The following ECHS1 variants were observed in gnomAD, a reference collection of about 807,000 sequenced individuals.
The protein encoded by ECHS1 is enoyl-CoA hydratase, mitochondrial.
In ECHS1, 19 loss-of-function variants were observed where a neutral mutation model predicts 33.5. The observed-to-expected ratio is 0.57, with a 90% CI of 0.40 to 0.83. ECHS1 has a LOEUF of 0.83. Ranked by LOEUF, ECHS1 falls within the 40% of genes least tolerant of loss-of-function variation. ECHS1 has a pLI of 0.00. For missense variants in ECHS1, 365 were observed against 381.3 expected (o/e 0.96, Z 0.36); for synonymous variants, 158 against 146.6 (o/e 1.08, Z -0.56).
intron 7 of ECHS1, among the ~76,000 whole-genome samples, chr10:133,364,192 G>A (rs779649862): frequency 3.3e-5 from 5 of 151,964 alleles, no homozygotes; most frequent in Admixed American, 6.6e-5. Context: ...CAATCCACCC[G>A]CCTCAGCCTC....
At chr10:133,368,515 T>C (rs575887125) in intron 4 of ECHS1, among the ~76,000 whole-genome samples, 2 of 151,840 alleles carry the variant, frequency 1.3e-5, no homozygotes, top group South Asian at 4.1e-4. Context: ...CGGGCCTGGG[T>C]GGGGGGTCTG....
At chr10:133,369,556 A>G (rs1221497164) in intron 3 of ECHS1, among the ~76,000 whole-genome samples, 1 of 151,744 alleles carries the variant, frequency 6.6e-6, no homozygotes, top group East Asian at 1.9e-4. Flanking sequence ...TGCCTTCCCT[A>G]TAGGCCAAGA....
Position 133,362,825 on chromosome 10 carries a change from T to G in ECHS1, c.*43A>C. The G allele has an allele frequency of 6.3e-7, 1 of 1,592,610 alleles. No homozygotes were observed. The highest frequency in any genetic ancestry group is 8.6e-7 in the Non-Finnish European group (1 of 1,160,378). ...TGCTTCTAAAACTGACAGGCTGCAC[T>G]TGTCCTCTCCAAGCAGAGGTGTGAA... On this transcript the variant is annotated 3_prime_UTR_variant, in exon 8 of 8. Coordinates refer to ENST00000368547, the MANE Select transcript of ECHS1 (RefSeq NM_004092.4).
chr10:133,365,029 G>A (rs1019776030), intron 6 of ECHS1, among the ~76,000 whole-genome samples: 4 of 152,196 alleles, frequency 2.6e-5, no homozygotes, highest in Admixed American at 6.5e-5. Flanking sequence ...GCTGTGAGGC[G>A]GCAACGGGGC....
At chr10:133,367,883 GC>G (rs747684581) in intron 4 of ECHS1, among the ~76,000 whole-genome samples, 14 of 152,206 alleles carry the variant, frequency 9.2e-5, no homozygotes, top group Non-Finnish European at 1.8e-4. Flanking sequence ...AGAGGGAAGG[GC>G]CCCCTGTCCC....
chr10:133,371,180 G>C lies in ECHS1; in HGVS notation c.89-423C>G, dbSNP rs372655844. 2.4e-3 allele frequency among the ~76,000 whole-genome samples: 368 copies of C among 152,236 alleles called. 2 individuals are homozygous for C. Among genetic ancestry groups the C allele is most frequent in the African/African-American group, 8.0e-3 (334 of 41,554 alleles). ...TAGTCCCAGCTACTGGGGAGGCTGA[G>C]GCAGGAGAGTGGCATGAACCCAGGA... On this transcript the variant is annotated intron_variant, in intron 1 of 7. Coordinates refer to ENST00000368547, the MANE Select transcript of ECHS1 (RefSeq NM_004092.4).
chr10:133,363,219 C>T (rs1462387713), intron 7 of ECHS1, among the ~76,000 whole-genome samples: 1 of 152,248 alleles, frequency 6.6e-6, no homozygotes, highest in East Asian at 1.9e-4. Flanking sequence ...CCATCTTGGT[C>T]ACTCACCATG....
In ECHS1 at chr10:133,369,975, T is replaced by G. The variant is rs369960115; in HGVS notation, c.343A>C (p.Lys115Gln). The part of the protein sequence containing the change: ...NLSFQDCYSS[K>Q]FLKHWDHLTQ... ...AGGTGGTCCCAGTGCTTCAAGAACT[T>G]GCTGGAGTAACAGTCCTGGAAACTC... The change falls in exon 3 of 8, where the codon AAG (lysine) becomes CAG (glutamine). Residue 115 changes from lysine to glutamine, a missense_variant. Transcript: ENST00000368547. 5.7e-5 allele frequency: 92 copies of G among 1,613,812 alleles called. No individual in the cohort carries two copies. In the South Asian group the frequency reaches 8.8e-4, roughly 15 times the overall value.
chr10:133,370,527 C>T, intron 2 of ECHS1, 33 bp downstream of exon 2: 1 of 1,483,722 alleles, frequency 6.7e-7, no homozygotes, highest in Non-Finnish European at 9.0e-7. Flanking sequence ...CCCACATCTG[C>T]CCAGACACAA....
intron 4 of ECHS1, among the ~76,000 whole-genome samples, chr10:133,367,418 T>C (rs1188881692): frequency 6.6e-6 from 1 of 151,348 alleles, no homozygotes; most frequent in Non-Finnish European, 1.5e-5. Context: ...CTGGCGGGTA[T>C]AGGGTCAGGT....
Position 133,370,130 on chromosome 10 carries a change from A to G in ECHS1, c.287-99T>C, listed in dbSNP as rs1849084211. 2.0e-6 allele frequency: 3 copies of G among 1,515,000 alleles called. No individual in the cohort carries two copies. In the South Asian group the frequency reaches 3.8e-5, roughly 19 times the overall value. 93.8% of individuals were successfully genotyped at this position (1,515,000 alleles called of 1,614,324 possible). A position where few individuals can be genotyped will look rare whatever the true frequency, so the allele number is the denominator to read the frequency against. On this transcript the variant is annotated intron_variant, in intron 2 of 7. Transcript: ENST00000368547. ...CAAGGAACTTCAGAGCACACCAGACACAGGCAGTGGGGTTGCTGGGCACGG... is the reference window on the plus strand; with the variant it reads ...CAAGGAACTTCAGAGCACACCAGACGCAGGCAGTGGGGTTGCTGGGCACGG...
At chr10:133,371,049 G>A (rs546299096) in intron 1 of ECHS1, among the ~76,000 whole-genome samples, 19 of 152,332 alleles carry the variant, frequency 1.2e-4, no homozygotes, top group Non-Finnish European at 2.2e-4. Context: ...AGGCCGAAGC[G>A]GTCGAATCAC....
intron 1 of ECHS1, 135 bp downstream of exon 1, chr10:133,373,111 G>T: frequency 1.6e-6 from 1 of 622,848 alleles, no homozygotes; most frequent in South Asian, 2.7e-5. Context: ...GGGTCAGGCG[G>T]AAGAGGGGTG....
chr10:133,368,932 T>C lies in ECHS1; in HGVS notation c.505A>G (p.Thr169Ala). 1 of 1,613,500 alleles carries C rather than the reference T, an allele frequency of 6.2e-7. No individual in the cohort carries two copies. Among genetic ancestry groups the C allele is most frequent in the Non-Finnish European group, 8.5e-7 (1 of 1,179,806 alleles). Residue 169 changes from threonine to alanine, a missense_variant, in exon 4 of 8, where the codon ACC (threonine) becomes GCC (alanine). By Grantham distance (58) the Thr-to-Ala change is moderately conservative. Coordinates refer to ENST00000368547, the MANE Select transcript of ECHS1 (RefSeq NM_004092.4). Reference sequence around the variant, plus strand: ...CAGTGTCACTCTTTACCTGGGATGGTTCCTATTAAGATCTCCGGCTGTGCA... The same window carrying C: ...CAGTGTCACTCTTTACCTGGGATGGCTCCTATTAAGATCTCCGGCTGTGCA... The part of the protein sequence containing the change: ...QFAQPEILIG[T>A]IPGAGGTQRL...
chr10:133,365,852 C>T (rs1360446503), intron 6 of ECHS1, 124 bp downstream of exon 6: 3 of 1,237,812 alleles, frequency 2.4e-6, no homozygotes, highest in Non-Finnish European at 3.4e-6. Context: ...AACTGAGACA[C>T]TGAGAAGCAT....
At chr10:133,365,705 C>T (rs1472981374) in intron 6 of ECHS1, among the ~76,000 whole-genome samples, 3 of 152,220 alleles carry the variant, frequency 2.0e-5, no homozygotes, top group African/African-American at 7.2e-5. Flanking sequence ...CAGCCTTTCC[C>T]TGCCACTGCC....
rs533681488 is a variant in ECHS1, at chr10:133,368,516, G to C, written c.514+407C>G. On this transcript the variant is annotated intron_variant, in intron 4 of 7. Coordinates refer to ENST00000368547, the MANE Select transcript of ECHS1 (RefSeq NM_004092.4). Reference sequence around the variant, plus strand: ...CCAGGCCCTTCTCACGGGCCTGGGTGGGGGGTCTGACTCCCCACCCTGAAC... The same window carrying C: ...CCAGGCCCTTCTCACGGGCCTGGGTCGGGGGTCTGACTCCCCACCCTGAAC... Among the ~76,000 whole-genome samples the C allele has an allele frequency of 5.7e-4, 86 of 152,156 alleles. 2 individuals are homozygous for C. In the South Asian group the frequency reaches 0.016, roughly 28 times the overall value.
intron 5 of ECHS1, 108 bp from the exon 6 acceptor site, chr10:133,366,203 G>A (rs1849027057): frequency 1.5e-6 from 2 of 1,376,636 alleles, no homozygotes; most frequent in African/African-American, 2.9e-5. Context: ...CCCAGCCTCT[G>A]GACGCTAAGC....
intron 5 of ECHS1, 136 bp downstream of exon 5, chr10:133,366,753 T>G: frequency 8.3e-6 from 5 of 604,112 alleles, no homozygotes; most frequent in Non-Finnish European, 1.2e-5. Context: ...GGGGCACCCA[T>G]GAGGGGGACA....
Sources: gnomAD v4.1 joint callset for allele counts (sites outside exome capture counted in the v4.1 genomes callset) on GRCh38, gnomAD v4.1.1 for gene constraint, MANE v1.5 for transcripts, NCBI Gene and HGNC (gene_info 2026-07-23, HGNC 2026-07-21) for gene names.